The following SDK1 variants were observed in gnomAD, a reference collection of about 807,000 sequenced individuals.
SDK1 encodes sidekick cell adhesion molecule 1, also known as protein sidekick-1.
In SDK1, 157 loss-of-function variants were observed where a neutral mutation model predicts 245.5. The ratio of observed to expected loss-of-function variants is 0.64; its 90% CI spans 0.56 to 0.73. The LOEUF (loss-of-function observed/expected upper bound fraction) is 0.73. Among genes scored for constraint, SDK1 ranks in the 30% least tolerant of loss-of-function variants. The probability of loss-of-function intolerance (pLI) is 0.00; values close to 1 mark genes in which losing one functional copy is unlikely to be tolerated. For missense variants in SDK1, 3,583 were observed against 3,002.3 expected, an observed-to-expected ratio of 1.19 and a Z score of -4.52; for synonymous variants, 1,647 against 1,278.5, an observed-to-expected ratio of 1.29 and a Z score of -6.15.
chr7:3,520,969 C>T (rs1782918949), intron 1 of SDK1, among the ~76,000 whole-genome samples: 1 of 152,218 alleles, frequency 6.6e-6, no homozygotes, highest in African/African-American at 2.4e-5. Flanking sequence ...CACTAAGCCT[C>T]TGCCCTCTCA....
intron 1 of SDK1, among the ~76,000 whole-genome samples, chr7:3,454,723 A>G (rs1431896779): frequency 6.6e-6 from 1 of 152,186 alleles, no homozygotes; most frequent in East Asian, 1.9e-4. Context: ...GATATGGAAT[A>G]TACCATGGTT....
intron 14 of SDK1, 137 bp downstream of exon 14, chr7:3,987,459 A>T: frequency 1.1e-6 from 1 of 893,712 alleles, no homozygotes; most frequent in Non-Finnish European, 1.7e-6. Context: ...GGTTTCAAAC[A>T]CAGCCTGCCC....
In SDK1 at chr7:4,026,970, T is replaced by C. The variant is rs1003437417; in HGVS notation, c.2602+9618T>C. Among the ~76,000 whole-genome samples, 1 of 152,214 alleles carries C rather than the reference T, an allele frequency of 6.6e-6. No homozygotes were observed. Among genetic ancestry groups the C allele is most frequent in the Non-Finnish European group, 1.5e-5 (1 of 68,040 alleles). On this transcript the variant is annotated intron_variant, in intron 17 of 44. Transcript: ENST00000404826. The surrounding 1 kb of genome is among the most constrained non-coding windows in gnomAD (Gnocchi z 4.1). Reference sequence around the variant, plus strand: ...TGGACACCTGTGAATCCCTGCTGTGTTCTGGATAGATGCATCAGTCCCTTA... The same window carrying C: ...TGGACACCTGTGAATCCCTGCTGTGCTCTGGATAGATGCATCAGTCCCTTA...
intron 44 of SDK1, among the ~76,000 whole-genome samples, chr7:4,256,195 C>T (rs1471957208): frequency 6.6e-6 from 1 of 152,246 alleles, no homozygotes; most frequent in Non-Finnish European, 1.5e-5. Context: ...GCTGGGATTA[C>T]AGGCGTGAGC....
intron 1 of SDK1, among the ~76,000 whole-genome samples, chr7:3,342,762 A>G (rs1023063238): frequency 2.6e-5 from 4 of 152,222 alleles, no homozygotes; most frequent in African/African-American, 9.6e-5. Context: ...GGTACATACT[A>G]GTAGAAAATA....
intron 1 of SDK1, among the ~76,000 whole-genome samples, chr7:3,442,856 A>C (rs1485013030): frequency 6.6e-6 from 1 of 152,048 alleles, no homozygotes; most frequent in Non-Finnish European, 1.5e-5. Flanking sequence ...TACTTGTTCT[A>C]CTCACTGTGT....
intron 1 of SDK1, among the ~76,000 whole-genome samples, chr7:3,494,713 T>A (rs574294582): frequency 1.3e-5 from 2 of 152,238 alleles, no homozygotes; most frequent in African/African-American, 4.8e-5. Context: ...AACACTGAAG[T>A]GGTTCCAATT....
At chr7:3,494,146 GC>G (rs1781950330) in intron 1 of SDK1, among the ~76,000 whole-genome samples, 1 of 152,020 alleles carries the variant, frequency 6.6e-6, no homozygotes, top group Non-Finnish European at 1.5e-5. Context: ...CCTCCCCACT[GC>G]CCCAACATTC....
intron 39 of SDK1, among the ~76,000 whole-genome samples, chr7:4,220,593 T>A (rs2128231789): frequency 6.7e-6 from 1 of 150,098 alleles, no homozygotes; most frequent in South Asian, 2.1e-4. Context: ...AATTTTAAAG[T>A]TTTCCAGGTC....
chr7:4,120,287 G>C (rs1414196004), intron 25 of SDK1, among the ~76,000 whole-genome samples: 1 of 149,032 alleles, frequency 6.7e-6, no homozygotes, highest in Non-Finnish European at 1.5e-5. Context: ...CCAATCCCGA[G>C]TGGAGTAAAT....
intron 4 of SDK1, among the ~76,000 whole-genome samples, chr7:3,752,135 T>C (rs1448602018): frequency 3.9e-5 from 6 of 152,224 alleles, no homozygotes; most frequent in Non-Finnish European, 8.8e-5. Context: ...GCACTTTTCG[T>C]TTTCATCTTG....
intron 1 of SDK1, among the ~76,000 whole-genome samples, chr7:3,484,146 C>G (rs1781604049): frequency 6.6e-6 from 1 of 152,150 alleles, no homozygotes; most frequent in Non-Finnish European, 1.5e-5. Context: ...CCCTGTATAA[C>G]CAAAATCGAA....
At chr7:3,890,130 A>C (rs1324039642) in intron 5 of SDK1, among the ~76,000 whole-genome samples, 5 of 152,224 alleles carry the variant, frequency 3.3e-5, no homozygotes, top group Non-Finnish European at 5.9e-5. Context: ...AGAGTCCTGC[A>C]GACAGTTGGT....
chr7:3,584,872 T>C (rs1039586275), intron 1 of SDK1, among the ~76,000 whole-genome samples: 1 of 152,036 alleles, frequency 6.6e-6, no homozygotes, highest in Non-Finnish European at 1.5e-5. Context: ...TACAGGTGCC[T>C]GCCATCACAC....
chr7:4,117,854 G>A (rs1783809426), intron 25 of SDK1, among the ~76,000 whole-genome samples: 1 of 152,166 alleles, frequency 6.6e-6, no homozygotes, highest in Admixed American at 6.5e-5. Context: ...GCTCTTGAAG[G>A]CCTTTCCCTC....
At chr7:4,217,903 G>C (rs1041171568) in intron 38 of SDK1, among the ~76,000 whole-genome samples, 1 of 151,982 alleles carries the variant, frequency 6.6e-6, no homozygotes, top group African/African-American at 2.4e-5. Flanking sequence ...TTTGCTCCAG[G>C]GAGAAGGAAG....
At chr7:3,933,832 G>C (rs1006317273) in intron 5 of SDK1, among the ~76,000 whole-genome samples, 2 of 152,152 alleles carry the variant, frequency 1.3e-5, no homozygotes, top group Non-Finnish European at 2.9e-5. Flanking sequence ...AAAATAAAAA[G>C]GGGGGTGACC....
intron 1 of SDK1, among the ~76,000 whole-genome samples, chr7:3,450,937 G>C (rs561431630): frequency 6.6e-6 from 1 of 152,240 alleles, no homozygotes; most frequent in Non-Finnish European, 1.5e-5. Context: ...GCCAAAGGAG[G>C]AGAAAGTTTC....
At chr7:3,857,865 C>T (rs1780585451) in intron 5 of SDK1, among the ~76,000 whole-genome samples, 1 of 151,998 alleles carries the variant, frequency 6.6e-6, no homozygotes. Context: ...CTGTAGCAAG[C>T]AAAGCTATTA....
Sources: gnomAD v4.1 joint callset for allele counts (sites outside exome capture counted in the v4.1 genomes callset) on GRCh38, gnomAD v4.1.1 for gene constraint, Gnocchi (gnomAD v3.1) non-coding constraint, MANE v1.5 for transcripts, NCBI Gene and HGNC (gene_info 2026-07-23, HGNC 2026-07-21) for gene names.